The following CRISPLD1 variants were observed in gnomAD, a reference collection of about 807,000 sequenced individuals.
The protein encoded by CRISPLD1 is cysteine rich secretory protein LCCL domain containing 1.
In CRISPLD1, 60 loss-of-function variants were observed where a neutral mutation model predicts 77.5. That is an observed-to-expected ratio of 0.77 (90% CI 0.63 to 0.96). The LOEUF is 0.96. Among genes scored for constraint, CRISPLD1 ranks in the 40% least tolerant of loss-of-function variants. The probability of loss-of-function intolerance (pLI) is 0.00; values close to 1 mark genes in which losing one functional copy is unlikely to be tolerated. For synonymous variants in CRISPLD1, 195 were observed against 200.1 expected, an observed-to-expected ratio of 0.97 and a Z score of 0.22; for missense variants, 623 against 615.8, an observed-to-expected ratio of 1.01 and a Z score of -0.12.
At chr8:75,007,804 G>A (rs1372055937) in intron 2 of CRISPLD1, among the ~76,000 whole-genome samples, 1 of 150,374 alleles carries the variant, frequency 6.7e-6, no homozygotes, top group Non-Finnish European at 1.5e-5. Context: ...CTCCCAGCTT[G>A]TTGGGACTAC....
chr8:75,019,239 G>A (rs1326024419), intron 10 of CRISPLD1, among the ~76,000 whole-genome samples: 1 of 152,152 alleles, frequency 6.6e-6, no homozygotes, highest in South Asian at 2.1e-4. Context: ...CTGAGCTAAT[G>A]TATTCAGAGA....
intron 6 of CRISPLD1, among the ~76,000 whole-genome samples, chr8:75,015,970 C>T (rs1397112457): frequency 6.6e-6 from 1 of 152,048 alleles, no homozygotes; most frequent in African/African-American, 2.4e-5. Flanking sequence ...GTGCCATTGT[C>T]AAGCCTTTGA....
intron 14 of CRISPLD1, 30 bp downstream of exon 14, chr8:75,029,547 T>A (rs1159786829): frequency 1.3e-6 from 2 of 1,592,844 alleles, no homozygotes; most frequent in East Asian, 4.5e-5. Flanking sequence ...ATGTATACTT[T>A]TAAATACCAT....
chr8:74,991,611 A>G (rs967112547), intron 2 of CRISPLD1, among the ~76,000 whole-genome samples: 7 of 152,286 alleles, frequency 4.6e-5, no homozygotes, highest in African/African-American at 7.2e-5. Flanking sequence ...GCTCACTGCA[A>G]TGTCCGCCTC....
intron 8 of CRISPLD1, 29 bp downstream of exon 8, chr8:75,016,970 A>G: frequency 1.3e-6 from 2 of 1,505,528 alleles, no homozygotes; most frequent in South Asian, 1.3e-5. Context: ...TTGAAAATTA[A>G]TTGAATATAA....
In CRISPLD1 at chr8:75,012,555, T is replaced by C; in HGVS notation, c.377+4T>C. Reference sequence around the variant, plus strand: ...ATTTGGGAGCACACTGGGGAAGGTATCTTAAAGCACAACTTTTTCTTTATG... The same window carrying C: ...ATTTGGGAGCACACTGGGGAAGGTACCTTAAAGCACAACTTTTTCTTTATG... On this transcript the variant is annotated splice_donor_region_variant and intron_variant, in intron 3 of 14. Coordinates refer to ENST00000262207, the MANE Select transcript of CRISPLD1 (RefSeq NM_031461.6). 6.5e-7 allele frequency: 1 copy of C among 1,543,220 alleles called. No homozygotes were observed. Among genetic ancestry groups the C allele is most frequent in the African/African-American group, 1.4e-5 (1 of 73,628 alleles).
At chr8:74,997,974 C>A (rs950750038) in intron 2 of CRISPLD1, among the ~76,000 whole-genome samples, 1 of 152,038 alleles carries the variant, frequency 6.6e-6, no homozygotes, top group Non-Finnish European at 1.5e-5. Context: ...GTGAAGAGAT[C>A]AGAAAAATGG....
intron 13 of CRISPLD1, 137 bp downstream of exon 13, chr8:75,025,758 A>G: frequency 2.6e-6 from 1 of 377,836 alleles, no homozygotes; most frequent in East Asian, 4.2e-5. Flanking sequence ...AGAAGAGTTA[A>G]ACATCCATAT....
chr8:75,004,556 A>G (rs1812797141), intron 2 of CRISPLD1, among the ~76,000 whole-genome samples: 1 of 152,202 alleles, frequency 6.6e-6, no homozygotes, highest in African/African-American at 2.4e-5. Flanking sequence ...CTATTGGGGT[A>G]TCTTGGAAGT....
chr8:75,034,179 C>T lies in CRISPLD1; in HGVS notation c.*1937C>T, dbSNP rs1263314240. ...CATTGCTGAAGAAAAACCAAACATT[C>T]TTGTAAAAACATTTAAGAACTTCCA... is the stretch of plus-strand genomic sequence containing the variant. On this transcript the variant is annotated 3_prime_UTR_variant, in exon 15 of 15. Coordinates refer to ENST00000262207, the MANE Select transcript of CRISPLD1 (RefSeq NM_031461.6). 4 of 152,058 alleles carry T rather than the reference C, an allele frequency of 2.6e-5. No homozygotes were observed. The highest frequency in any genetic ancestry group is 5.9e-5 in the Non-Finnish European group (4 of 67,942). 9.4% of individuals were successfully genotyped at this position (152,058 alleles called of 1,614,324 possible). A position where few individuals can be genotyped will look rare whatever the true frequency, so the allele number is the denominator to read the frequency against.
chr8:75,013,187 A>G (rs1812965267), intron 4 of CRISPLD1, among the ~76,000 whole-genome samples, 165 bp downstream of exon 4: 1 of 152,240 alleles, frequency 6.6e-6, no homozygotes, highest in African/African-American at 2.4e-5. Flanking sequence ...TAAACAATGA[A>G]AATAATTATC....
rs536758230 is a variant in CRISPLD1, at chr8:75,007,600, C to T, written c.259-4833C>T. On this transcript the variant is annotated intron_variant, in intron 2 of 14. Coordinates refer to ENST00000262207, the MANE Select transcript of CRISPLD1 (RefSeq NM_031461.6). ...TGTTTGTTTTTTTGAGACTGAGTCC[C>T]GCTCTGTCACCCAGGCTGGAGTGCA... 5.3e-5 allele frequency among the ~76,000 whole-genome samples: 8 copies of T among 150,200 alleles called. No individual in the cohort carries two copies. In the South Asian group the frequency reaches 1.1e-3, roughly 20 times the overall value.
At chr8:75,008,145 G>C (rs1025582336) in intron 2 of CRISPLD1, among the ~76,000 whole-genome samples, 4 of 152,136 alleles carry the variant, frequency 2.6e-5, no homozygotes, top group Non-Finnish European at 2.9e-5. Context: ...CATTGAAGGC[G>C]TAACTATGCT....
Position 74,997,694 on chromosome 8 carries a change from T to A in CRISPLD1, c.258+11449T>A, listed in dbSNP as rs1041184878. Among the ~76,000 whole-genome samples the A allele has an allele frequency of 2.0e-5, 3 of 152,150 alleles. No homozygotes were observed. The East Asian group carries it at 5.8e-4, about 29-fold the overall frequency. On this transcript the variant is annotated intron_variant, in intron 2 of 14. Coordinates refer to ENST00000262207, the MANE Select transcript of CRISPLD1 (RefSeq NM_031461.6). ...CCGAAAGAAGTTAGCTGAGAACCAG[T>A]GGTCAGCAAGGTAAGAGGAAAGGAT...
At chr8:74,985,863 G>C (rs973047555) in intron 1 of CRISPLD1, 63 bp from the exon 2 acceptor site, 1 of 1,067,906 alleles carries the variant, frequency 9.4e-7, no homozygotes, top group Non-Finnish European at 1.3e-6. Flanking sequence ...TGTTTTGCTC[G>C]TGTTATTAGA....
chr8:74,995,154 TTAAAGTG>T (rs1812627471), intron 2 of CRISPLD1, among the ~76,000 whole-genome samples: 1 of 152,156 alleles, frequency 6.6e-6, no homozygotes, highest in South Asian at 2.1e-4. Flanking sequence ...TTGACACACT[TTAAAGTG>T]TAAAGGCAGG....
chr8:75,020,214 A>G lies in CRISPLD1; in HGVS notation c.1244+135A>G, dbSNP rs75207088. 5,931 of 683,812 alleles carry G rather than the reference A, an allele frequency of 8.7e-3. 272 individuals carry two copies. The African/African-American group carries it at 0.095, about 11-fold the overall frequency. 42.4% of individuals were successfully genotyped at this position (683,812 alleles called of 1,614,324 possible). ...AGGGAGCAATGAAACATCATAAACT[A>G]CATGCACTCCAGGCAGGCCTAGTGT... is the stretch of plus-strand genomic sequence containing the variant. On this transcript the variant is annotated intron_variant, in intron 12 of 14. Coordinates refer to ENST00000262207, the MANE Select transcript of CRISPLD1 (RefSeq NM_031461.6).
chr8:75,001,511 T>A (rs1563394211), intron 2 of CRISPLD1, among the ~76,000 whole-genome samples: 1 of 152,182 alleles, frequency 6.6e-6, no homozygotes, highest in Non-Finnish European at 1.5e-5. Context: ...TTAAACTGCA[T>A]ATAAATCATG....
chr8:75,009,764 TA>T (rs1812897254), intron 2 of CRISPLD1, among the ~76,000 whole-genome samples: 1 of 152,154 alleles, frequency 6.6e-6, no homozygotes, highest in Non-Finnish European at 1.5e-5. Context: ...TCCAACTTTC[TA>T]GATACAAAAG....
Sources: gnomAD v4.1 joint callset for allele counts (sites outside exome capture counted in the v4.1 genomes callset) on GRCh38, gnomAD v4.1.1 for gene constraint, MANE v1.5 for transcripts, NCBI Gene and HGNC (gene_info 2026-07-23, HGNC 2026-07-21) for gene names.